The following SLC35D3 variants were observed in gnomAD, a reference collection of about 807,000 sequenced individuals.
SLC35D3 encodes the protein solute carrier family 35 member D3.
A neutral mutation model predicts 20.3 loss-of-function variants in SLC35D3; 18 were observed. The ratio of observed to expected loss-of-function variants is 0.89; its 90% CI spans 0.61 to 1.32. SLC35D3 has a LOEUF of 1.32. SLC35D3 is among the 40% of genes most tolerant of loss of function. The pLI is 0.00. For synonymous variants in SLC35D3, 313 were observed against 263.5 expected (o/e 1.19, Z -1.82); for missense variants, 556 against 565.5 (o/e 0.98, Z 0.17).
chr6:136,922,689 G>T lies in SLC35D3; in HGVS notation c.261G>T (p.Leu87=). Residue 87 remains leucine, a synonymous_variant, in exon 1 of 2, where the codon CTG becomes CTT. Transcript: ENST00000331858. This position sits in a 1 kb window ranked among gnomAD's most constrained non-coding sequence, Gnocchi z 6.8. The stretch of plus-strand genomic sequence containing the variant: ...CGGGGGTCGCGGTGCTCTCCACGCT[G>T]CAGTCCAGCCTCACGCTCTGGTCCC... ...SFAGVAVLST[L]QSSLTLWSLR... The T allele has an allele frequency of 6.2e-7, 1 of 1,601,584 alleles. No homozygotes were observed. Among genetic ancestry groups the T allele is most frequent in the Non-Finnish European group, 8.5e-7 (1 of 1,175,646 alleles).
rs771880485 is a variant in SLC35D3, at chr6:136,924,438, G to T, written c.993G>T (p.Pro331=). 11 of 1,613,802 alleles carry T rather than the reference G, an allele frequency of 6.8e-6. No individual in the cohort carries two copies. In the Admixed American group the frequency reaches 1.3e-4, roughly 20 times the overall value. The change falls in exon 2 of 2, where the codon CCG becomes CCT. Residue 331 remains proline (P), a synonymous_variant. Coordinates refer to ENST00000331858, the MANE Select transcript of SLC35D3 (RefSeq NM_001008783.3). ...EEAQLSGDQL[P]FVMEELPGEG... ...CGCAGCTAAGTGGAGACCAGCTGCCGTTCGTGATGGAGGAGCTGCCCGGGG... is the reference window on the plus strand; with the variant it reads ...CGCAGCTAAGTGGAGACCAGCTGCCTTTCGTGATGGAGGAGCTGCCCGGGG...
rs1156721814 is a variant in SLC35D3 at position 136,924,288 on chromosome 6, T to C, written c.843T>C (p.Ser281=). 5.0e-6 allele frequency: 8 copies of C among 1,613,998 alleles called. No homozygotes were observed. The African/African-American group carries it at 1.1e-4, about 22-fold the overall frequency. Residue 281 remains serine, a synonymous_variant, in exon 2 of 2, where the codon TCT becomes TCC. Transcript: ENST00000331858. ...MVAFSDVEPT[S]LFIAGVVVNT... is the part of the protein sequence containing the mutation. ...CCTTCAGCGACGTGGAGCCCACCTC[T>C]CTGTTCATTGCCGGCGTGGTGGTGA...
At position 136,924,442 on chromosome 6, in the gene SLC35D3, G is replaced by A. The variant is rs1776106131; in HGVS notation, c.997G>A (p.Val333Met). The A allele has an allele frequency of 3.1e-6, 5 of 1,613,806 alleles. No homozygotes were observed. The highest frequency in any genetic ancestry group is 4.2e-6 in the Non-Finnish European group (5 of 1,179,908). ...AQLSGDQLPF[V>M]MEELPGEGGN... ...GCTAAGTGGAGACCAGCTGCCGTTC[G>A]TGATGGAGGAGCTGCCCGGGGAGGG... is the stretch of plus-strand genomic sequence containing the variant. Residue 333 changes from valine to methionine, a missense_variant, in exon 2 of 2, where the codon GTG (valine) becomes ATG (methionine). Physicochemically the swap from Val to Met is conservative, Grantham distance 21. Transcript: ENST00000331858.
chr6:136,923,991 C>A lies in SLC35D3; in HGVS notation c.546C>A (p.Thr182=), dbSNP rs145079292. The A allele has an allele frequency of 3.1e-6, 5 of 1,588,462 alleles. No individual in the cohort carries two copies. The highest frequency in any genetic ancestry group is 4.3e-6 in the Non-Finnish European group (5 of 1,172,152). The change falls in exon 2 of 2, where the codon ACC becomes ACA. Residue 182 remains threonine, a synonymous_variant. Transcript: ENST00000331858. The surrounding 1 kb of genome is among the most constrained non-coding windows in gnomAD (Gnocchi z 6.2). ...TCATCCAGAAGGCCAGCGCAGACACCGAGCACGGGCCGCTCACCGCGCAGT... is the reference window on the plus strand; with the variant it reads ...TCATCCAGAAGGCCAGCGCAGACACAGAGCACGGGCCGCTCACCGCGCAGT... ...LVLIQKASAD[T]EHGPLTAQYV...
In SLC35D3 at chr6:136,922,421, C is replaced by T; in HGVS notation, c.-8C>T. 6.5e-7 allele frequency: 1 copy of T among 1,530,140 alleles called. No homozygotes were observed. The highest frequency in any genetic ancestry group is 2.0e-5 in the Admixed American group (1 of 49,938). 94.8% of individuals were successfully genotyped at this position (1,530,140 alleles called of 1,614,324 possible). A position where few individuals can be genotyped will look rare whatever the true frequency, so the allele number is the denominator to read the frequency against. On this transcript the variant is annotated 5_prime_UTR_variant, in exon 1 of 2. Coordinates refer to ENST00000331858, the MANE Select transcript of SLC35D3 (RefSeq NM_001008783.3). The surrounding 1 kb of genome is among the most constrained non-coding windows in gnomAD (Gnocchi z 6.8). The stretch of plus-strand genomic sequence containing the variant: ...TCCGCCACCGCTGGGTGCGGCGAGG[C>T]CGGCGCGATGCGGCAGCTGTGCCGG...
chr6:136,922,838 T>C lies in SLC35D3; in HGVS notation c.410T>C (p.Leu137Pro). The change falls in exon 1 of 2, where the codon CTC (leucine) becomes CCC (proline). Residue 137 changes from leucine to proline, a missense_variant. Transcript: ENST00000331858. This position sits in a 1 kb window ranked among gnomAD's most constrained non-coding sequence, Gnocchi z 6.8. ...TCGCCAGGGGTGCTGGCGGCGGTGC[T>C]CATCACCACCTGCGGCGCCGCCCTG... is the stretch of plus-strand genomic sequence containing the variant. ...APSPGVLAAV[L>P]ITTCGAALAG... 6.5e-7 allele frequency: 1 copy of C among 1,548,048 alleles called. No individual in the cohort carries two copies. Among genetic ancestry groups the C allele is most frequent in the South Asian group, 1.2e-5 (1 of 84,284 alleles).
chr6:136,923,755 G>A lies in SLC35D3; in HGVS notation c.440-130G>A, dbSNP rs1312439952. The A allele has an allele frequency of 3.2e-5, 28 of 885,876 alleles. No homozygotes were observed. Among genetic ancestry groups the A allele is most frequent in the Non-Finnish European group, 4.5e-5 (27 of 598,816 alleles). The allele number at this position is 885,876 out of a possible 1,614,324, so 54.9% of individuals were successfully genotyped here. A position where few individuals can be genotyped will look rare whatever the true frequency, so the allele number is the denominator to read the frequency against. ...GTCACTCAGGAATCCGGTGGGCAGA[G>A]CTGGGGCGCGAACCCAGTCTCCTTT... On this transcript the variant is annotated intron_variant, in intron 1 of 1. Transcript: ENST00000331858. This position sits in a 1 kb window ranked among gnomAD's most constrained non-coding sequence, Gnocchi z 6.2.
rs1776100365 is a variant in SLC35D3, at chr6:136,924,138, C to T, written c.693C>T (p.Ala231=). ...CGGCCATGGTCTGCATCTTCGTGGC[C>T]TGCATCCTGATCGGCTGCGCCATGA... ...KDPAMVCIFV[A]CILIGCAMNF... The change falls in exon 2 of 2, where the codon GCC becomes GCT. Residue 231 remains alanine, a synonymous_variant. Coordinates refer to ENST00000331858, the MANE Select transcript of SLC35D3 (RefSeq NM_001008783.3). The T allele has an allele frequency of 1.2e-6, 2 of 1,612,876 alleles. No homozygotes were observed. The highest frequency in any genetic ancestry group is 1.7e-6 in the Non-Finnish European group (2 of 1,180,036).
In SLC35D3 at chr6:136,924,714, G is replaced by A. The variant is rs375806022; in HGVS notation, c.*18G>A. The stretch of plus-strand genomic sequence containing the variant: ...GTCCTTGAGAAGGAGGTGCATGTAC[G>A]TACCTATGTGCATACACTTATTTTA... On this transcript the variant is annotated 3_prime_UTR_variant, in exon 2 of 2. Transcript: ENST00000331858. 1.6e-5 allele frequency: 26 copies of A among 1,582,548 alleles called. 1 individual carries two copies. Among genetic ancestry groups the A allele is most frequent in the East Asian group, 9.0e-5 (4 of 44,564 alleles).
In SLC35D3 at chr6:136,924,763, A is replaced by G; in HGVS notation, c.*67A>G. ...TATATGTTAGAAATGACGTGTTTTA[A>G]TGAGAGGCCTCCCCGTTTTATTCTT... On this transcript the variant is annotated 3_prime_UTR_variant, in exon 2 of 2. Transcript: ENST00000331858. 26 of 1,406,394 alleles carry G rather than the reference A, an allele frequency of 1.8e-5. No individual in the cohort carries two copies. The highest frequency in any genetic ancestry group is 2.5e-5 in the Non-Finnish European group (26 of 1,048,786). The allele number at this position is 1,406,394 out of a possible 1,614,324, so 87.1% of individuals were successfully genotyped here.
rs1776107033 is a variant in SLC35D3 at position 136,924,481 on chromosome 6, T to G, written c.1036T>G (p.Ser346Ala). The change falls in exon 2 of 2, where the codon TCA becomes GCA. Residue 346 changes from serine to alanine, a missense_variant. Coordinates refer to ENST00000331858, the MANE Select transcript of SLC35D3 (RefSeq NM_001008783.3). ...GCCCGGGGAGGGAGGAAATGGCCGG[T>G]CAGAAGGTGGGGAGGCAGCAGGTGG... ...ELPGEGGNGRSEGGEAAGGPA... is the reference protein window; with the variant it reads ...ELPGEGGNGRAEGGEAAGGPA... 6.2e-7 allele frequency: 1 copy of G among 1,613,368 alleles called. No individual in the cohort carries two copies. The highest frequency in any genetic ancestry group is 1.7e-5 in the Admixed American group (1 of 59,990).
In SLC35D3 at chr6:136,923,881, G is replaced by A. The variant is rs1211190401; in HGVS notation, c.440-4G>A. On this transcript the variant is annotated splice_region_variant and splice_polypyrimidine_tract_variant and intron_variant, in intron 1 of 1. Coordinates refer to ENST00000331858, the MANE Select transcript of SLC35D3 (RefSeq NM_001008783.3). This position sits in a 1 kb window ranked among gnomAD's most constrained non-coding sequence, Gnocchi z 6.2. ...GGCTCGGCCGTCCTCCTCGTGCGCCGCAGGAGCCGGCGACCTGACGGGCGA... is the reference window on the plus strand; with the variant it reads ...GGCTCGGCCGTCCTCCTCGTGCGCCACAGGAGCCGGCGACCTGACGGGCGA... 6 of 1,504,414 alleles carry A rather than the reference G, an allele frequency of 4.0e-6. No individual in the cohort carries two copies. The African/African-American group carries it at 6.9e-5, about 17-fold the overall frequency. The allele number at this position is 1,504,414 out of a possible 1,614,324, so 93.2% of individuals were successfully genotyped here.
rs1776098715 is a variant in SLC35D3 at position 136,924,053 on chromosome 6, T to C, written c.608T>C (p.Ile203Thr). Residue 203 changes from isoleucine to threonine, a missense_variant, in exon 2 of 2, where the codon ATC becomes ACC. Ile to Thr is a moderately conservative substitution (Grantham distance 89). Transcript: ENST00000331858. ...GTCTCTGCCACCCCGCTGCTGGTCA[T>C]CTGCTCCTTCGCCAGCACCGACTCC... ...IAVSATPLLVICSFASTDSIH... is the reference protein window; with the variant it reads ...IAVSATPLLVTCSFASTDSIH... The C allele has an allele frequency of 1.2e-6, 2 of 1,609,616 alleles. No individual in the cohort carries two copies. The highest frequency in any genetic ancestry group is 3.3e-5 in the Admixed American group (2 of 59,806).
In SLC35D3 at chr6:136,923,602, G is replaced by A. The variant is rs1483338054; in HGVS notation, c.440-283G>A. ...CACAGCACCTGCCCCGAGGGCATCT[G>A]CGCTCTCCGGGGCCTTTGTCTTGGA... On this transcript the variant is annotated intron_variant, in intron 1 of 1. Transcript: ENST00000331858. The surrounding 1 kb of genome is among the most constrained non-coding windows in gnomAD (Gnocchi z 6.2). 2.6e-5 allele frequency among the ~76,000 whole-genome samples: 4 copies of A among 152,216 alleles called. No individual in the cohort carries two copies. The East Asian group carries it at 7.7e-4, about 29-fold the overall frequency.
In SLC35D3 at chr6:136,924,713, C is replaced by T. The variant is rs572373721; in HGVS notation, c.*17C>T. Reference sequence around the variant, plus strand: ...AGTCCTTGAGAAGGAGGTGCATGTACGTACCTATGTGCATACACTTATTTT... The same window carrying T: ...AGTCCTTGAGAAGGAGGTGCATGTATGTACCTATGTGCATACACTTATTTT... On this transcript the variant is annotated 3_prime_UTR_variant, in exon 2 of 2. Coordinates refer to ENST00000331858, the MANE Select transcript of SLC35D3 (RefSeq NM_001008783.3). The T allele has an allele frequency of 2.7e-5, 43 of 1,586,300 alleles. No homozygotes were observed. The highest frequency in any genetic ancestry group is 3.3e-5 in the Non-Finnish European group (38 of 1,163,826).
Position 136,922,824 on chromosome 6 carries a change from G to T in SLC35D3, c.396G>T (p.Val132=), listed in dbSNP as rs1237968532. 3.9e-6 allele frequency: 6 copies of T among 1,555,234 alleles called. No homozygotes were observed. Among genetic ancestry groups the T allele is most frequent in the Non-Finnish European group, 5.2e-6 (6 of 1,151,816 alleles). Residue 132 remains valine, a synonymous_variant, in exon 1 of 2, where the codon GTG becomes GTT. Coordinates refer to ENST00000331858, the MANE Select transcript of SLC35D3 (RefSeq NM_001008783.3). The surrounding 1 kb of genome is among the most constrained non-coding windows in gnomAD (Gnocchi z 6.8). Reference sequence around the variant, plus strand: ...AGAACGGCGCGCCCTCGCCAGGGGTGCTGGCGGCGGTGCTCATCACCACCT... The same window carrying T: ...AGAACGGCGCGCCCTCGCCAGGGGTTCTGGCGGCGGTGCTCATCACCACCT... ...VLKNGAPSPG[V]LAAVLITTCG... is the part of the protein sequence containing the mutation.
Position 136,922,832 on chromosome 6 carries a change from C to A in SLC35D3, c.404C>A (p.Ala135Glu). 1 of 1,551,084 alleles carries A rather than the reference C, an allele frequency of 6.4e-7. No individual in the cohort carries two copies. Among genetic ancestry groups the A allele is most frequent in the Non-Finnish European group, 8.7e-7 (1 of 1,150,270 alleles). The change falls in exon 1 of 2, where the codon GCG (alanine) becomes GAG (glutamate). Residue 135 changes from alanine (A) to glutamate (E), a missense_variant. Coordinates refer to ENST00000331858, the MANE Select transcript of SLC35D3 (RefSeq NM_001008783.3). This position sits in a 1 kb window ranked among gnomAD's most constrained non-coding sequence, Gnocchi z 6.8. Reference protein sequence around the residue: ...NGAPSPGVLAAVLITTCGAAL... With the variant: ...NGAPSPGVLAEVLITTCGAAL... ...GCGCCCTCGCCAGGGGTGCTGGCGG[C>A]GGTGCTCATCACCACCTGCGGCGCC...
chr6:136,924,770 G>C lies in SLC35D3; in HGVS notation c.*74G>C, dbSNP rs774008192. ...TAGAAATGACGTGTTTTAATGAGAG[G>C]CCTCCCCGTTTTATTCTTTGAGGAG... is the stretch of plus-strand genomic sequence containing the variant. On this transcript the variant is annotated 3_prime_UTR_variant, in exon 2 of 2. Coordinates refer to ENST00000331858, the MANE Select transcript of SLC35D3 (RefSeq NM_001008783.3). The C allele has an allele frequency of 6.5e-6, 9 of 1,375,808 alleles. No individual in the cohort carries two copies. The highest frequency in any genetic ancestry group is 8.8e-6 in the Non-Finnish European group (9 of 1,027,858). The allele number at this position is 1,375,808 out of a possible 1,614,324, so 85.2% of individuals were successfully genotyped here.
rs904146294 is a variant in SLC35D3 at position 136,923,668 on chromosome 6, G to T, written c.440-217G>T. Among the ~76,000 whole-genome samples the T allele has an allele frequency of 8.5e-5, 13 of 152,194 alleles. No individual in the cohort carries two copies. Among genetic ancestry groups the T allele is most frequent in the Non-Finnish European group, 1.5e-4 (10 of 68,010 alleles). On this transcript the variant is annotated intron_variant, in intron 1 of 1. Coordinates refer to ENST00000331858, the MANE Select transcript of SLC35D3 (RefSeq NM_001008783.3). This position sits in a 1 kb window ranked among gnomAD's most constrained non-coding sequence, Gnocchi z 6.2. The stretch of plus-strand genomic sequence containing the variant: ...TGACCCGGGGATATGGCGGGAAGGC[G>T]CTCTGAGCACTGAGTTTGGCTGTCG...
Sources: allele counts gnomAD v4.1 joint callset (sites outside exome capture counted in the v4.1 genomes callset), GRCh38; gene constraint gnomAD v4.1.1; non-coding constraint Gnocchi (gnomAD v3.1); transcripts MANE v1.5; gene names NCBI Gene and HGNC (gene_info 2026-07-23, HGNC 2026-07-21).